BNC2: variants seen among roughly 807,000 people sequenced by gnomAD.
BNC2 encodes zinc finger protein basonuclin-2.
BNC2 carries 20 observed loss-of-function variants against 76.3 expected under a neutral mutation model. The ratio of observed to expected loss-of-function variants is 0.26; its 90% CI spans 0.18 to 0.38. The LOEUF (loss-of-function observed/expected upper bound fraction) is 0.38. BNC2 is among the 10% of genes least tolerant of loss of function. The pLI, the probability that BNC2 is intolerant of heterozygous loss-of-function variation, is 1.00. For missense variants in BNC2, 1,382 were observed against 1,399.8 expected (o/e 0.99, Z 0.20); for synonymous variants, 582 against 514.8 (o/e 1.13, Z -1.77).
chr9:16,593,737 G>C (rs1268863736), intron 3 of BNC2, among the ~76,000 whole-genome samples: 1 of 151,948 alleles, frequency 6.6e-6, no homozygotes, highest in Non-Finnish European at 1.5e-5. Context: ...TTAGGCAGCT[G>C]TAATAACATA....
chr9:16,604,601 A>T (rs1820328623), intron 3 of BNC2, among the ~76,000 whole-genome samples: 1 of 152,140 alleles, frequency 6.6e-6, no homozygotes, highest in Non-Finnish European at 1.5e-5. Context: ...GTTTGAGACC[A>T]GCCTGGCCAA....
intron 3 of BNC2, among the ~76,000 whole-genome samples, chr9:16,659,390 A>ACT (rs1822034914): frequency 6.6e-6 from 1 of 151,992 alleles, no homozygotes; most frequent in Admixed American, 6.6e-5. Context: ...TGGGCAGATC[A>ACT]GGAGGTCAGG....
At chr9:16,474,379 G>A (rs1821887536) in intron 5 of BNC2, among the ~76,000 whole-genome samples, 1 of 152,162 alleles carries the variant, frequency 6.6e-6, no homozygotes, top group African/African-American at 2.4e-5. Flanking sequence ...CTGAATGAAG[G>A]GAGAAAAGTG....
At chr9:16,536,403 A>G (rs1202981724) in intron 5 of BNC2, among the ~76,000 whole-genome samples, 1 of 152,200 alleles carries the variant, frequency 6.6e-6, no homozygotes, top group African/African-American at 2.4e-5. Flanking sequence ...TCTTTTCTGT[A>G]GAAGGTCTCA....
intron 1 of BNC2, among the ~76,000 whole-genome samples, chr9:16,751,193 T>C (rs867410154): frequency 1.4e-4 from 21 of 150,536 alleles, no homozygotes; most frequent in South Asian, 2.1e-4. Flanking sequence ...TACAAAACTG[T>C]GAAATAAAAA....
intron 3 of BNC2, among the ~76,000 whole-genome samples, chr9:16,722,131 G>A (rs1395477738): frequency 6.6e-6 from 1 of 152,130 alleles, no homozygotes; most frequent in Non-Finnish European, 1.5e-5. Context: ...AGTGGATGAC[G>A]CCAGCTCACT....
chr9:16,570,766 G>C (rs749980999), intron 4 of BNC2, among the ~76,000 whole-genome samples: 6 of 152,134 alleles, frequency 3.9e-5, no homozygotes, highest in Admixed American at 3.3e-4. Context: ...TGACATGTAT[G>C]AGTTATCAAC....
At chr9:16,463,732 C>G (rs1180015893) in intron 5 of BNC2, among the ~76,000 whole-genome samples, 2 of 151,992 alleles carry the variant, frequency 1.3e-5, no homozygotes, top group Non-Finnish European at 2.9e-5. Context: ...TTTCTAATTC[C>G]TCCTCCAACT....
intron 5 of BNC2, among the ~76,000 whole-genome samples, chr9:16,468,571 T>C (rs927802406): frequency 1.4e-4 from 22 of 151,930 alleles, no homozygotes; most frequent in African/African-American, 4.6e-4. Context: ...ACTTTTTGTA[T>C]TTTTAGTAGA....
intron 5 of BNC2, among the ~76,000 whole-genome samples, chr9:16,452,733 C>T (rs536976889): frequency 6.6e-6 from 1 of 152,230 alleles, no homozygotes; most frequent in South Asian, 2.1e-4. Context: ...TATAAATGTT[C>T]GTGGGCGCAT....
chr9:16,805,911 T>G (rs959124365), intron 1 of BNC2, among the ~76,000 whole-genome samples: 2 of 152,186 alleles, frequency 1.3e-5, no homozygotes, highest in African/African-American at 4.8e-5. Context: ...GGTAACTGAT[T>G]ACAAATTTTT....
At chr9:16,680,162 A>G (rs1022723955) in intron 3 of BNC2, among the ~76,000 whole-genome samples, 1 of 152,160 alleles carries the variant, frequency 6.6e-6, no homozygotes, top group Non-Finnish European at 1.5e-5. Flanking sequence ...CTTGTGGTAA[A>G]TGGTTTTCCG....
At chr9:16,820,607 A>G (rs750523498) in intron 1 of BNC2, among the ~76,000 whole-genome samples, 1 of 152,144 alleles carries the variant, frequency 6.6e-6, no homozygotes, top group Non-Finnish European at 1.5e-5. Flanking sequence ...CCAAGTGGGA[A>G]GCTTGTTACT....
At chr9:16,495,911 C>CT (rs61004769) in intron 5 of BNC2, among the ~76,000 whole-genome samples, 157 of 142,846 alleles carry the variant, frequency 1.1e-3, no homozygotes, top group Middle Eastern at 3.7e-3. Context: ...TTTTCTTTTT[C>CT]TTTTTTTTTT....
intron 1 of BNC2, among the ~76,000 whole-genome samples, chr9:16,782,796 G>T (rs972560439): frequency 6.6e-6 from 1 of 152,136 alleles, no homozygotes; most frequent in Non-Finnish European, 1.5e-5. Flanking sequence ...TCTACCTTTT[G>T]TTCACTACTA....
At position 16,651,280 on chromosome 9, in the gene BNC2, A is replaced by G. The variant is rs148704132; in HGVS notation, c.331-68195T>C. Among the ~76,000 whole-genome samples, 477 of 152,346 alleles carry G rather than the reference A, an allele frequency of 3.1e-3. 4 individuals carry two copies. The highest frequency in any genetic ancestry group is 0.011 in the African/African-American group (445 of 41,592). On this transcript the variant is annotated intron_variant, in intron 3 of 6. Coordinates refer to ENST00000380672, the MANE Select transcript of BNC2 (RefSeq NM_017637.6). Reference sequence around the variant, plus strand: ...AAATGAGAATCTGTTTATTCAATTGATGACTTCAATCAGTAAAAGAAAAAC... The same window carrying G: ...AAATGAGAATCTGTTTATTCAATTGGTGACTTCAATCAGTAAAAGAAAAAC...
intron 5 of BNC2, among the ~76,000 whole-genome samples, chr9:16,518,027 G>C (rs536003395): frequency 1.3e-5 from 2 of 152,270 alleles, no homozygotes; most frequent in East Asian, 3.9e-4. Context: ...GTTGCATCTT[G>C]AGAGTGAAAT....
At chr9:16,469,346 G>T (rs911701477) in intron 5 of BNC2, among the ~76,000 whole-genome samples, 1 of 152,156 alleles carries the variant, frequency 6.6e-6, no homozygotes, top group Non-Finnish European at 1.5e-5. Context: ...TCTTTCCCAT[G>T]CTGTTCTCGA....
rs35766150 is a variant in BNC2 at position 16,420,706 on chromosome 9, C to CATAT, written c.2640-1061_2640-1058dup. 1.3e-3 allele frequency among the ~76,000 whole-genome samples: 198 copies of CATAT among 150,516 alleles called. 2 individuals carry two copies. The highest frequency in any genetic ancestry group is 0.01 in the Middle Eastern group (3 of 290). The stretch of plus-strand genomic sequence containing the variant: ...ACATACACATATACATATTTTTTTA[C>CATAT]ATATATATATATAAAGACAGGATTT... On this transcript the variant is annotated intron_variant, in intron 6 of 6. Coordinates refer to ENST00000380672, the MANE Select transcript of BNC2 (RefSeq NM_017637.6).
Sources: allele counts gnomAD v4.1 joint callset (sites outside exome capture counted in the v4.1 genomes callset), GRCh38; gene constraint gnomAD v4.1.1; transcripts MANE v1.5; gene names NCBI Gene and HGNC (gene_info 2026-07-23, HGNC 2026-07-21).